The following RORA variants were observed in gnomAD, a reference collection of about 807,000 sequenced individuals.
RORA encodes nuclear receptor ROR-alpha.
RORA carries 7 observed loss-of-function variants against 69.5 expected under a neutral mutation model. That is an observed-to-expected ratio of 0.10 (90% confidence interval 0.06 to 0.19). RORA has a LOEUF of 0.19. RORA is among the 10% of genes least tolerant of loss of function. The probability of loss-of-function intolerance (pLI) is 1.00; values close to 1 mark genes in which losing one functional copy is unlikely to be tolerated. For synonymous variants in RORA, 261 were observed against 240.8 expected (o/e 1.08, Z -0.78); for missense variants, 457 against 663.0 (o/e 0.69, Z 3.41).
intron 1 of RORA, among the ~76,000 whole-genome samples, chr15:60,680,910 A>C (rs2140752724): frequency 6.6e-6 from 1 of 152,334 alleles, no homozygotes; most frequent in South Asian, 2.1e-4. Flanking sequence ...CAAGAGCAAT[A>C]TTTGTTAAAA....
intron 1 of RORA, among the ~76,000 whole-genome samples, chr15:61,116,605 G>A (rs1319650173): frequency 6.6e-6 from 1 of 152,182 alleles, no homozygotes; most frequent in Non-Finnish European, 1.5e-5. Context: ...AAATTGGAGA[G>A]GGCATGAAGC....
At chr15:60,883,903 A>C (rs907728277) in intron 1 of RORA, among the ~76,000 whole-genome samples, 6 of 152,208 alleles carry the variant, frequency 3.9e-5, no homozygotes, top group Non-Finnish European at 1.5e-5. Flanking sequence ...TGTGGGTGTT[A>C]TATTTAGCCA....
chr15:60,996,907 T>TAA (rs796945985), intron 1 of RORA, among the ~76,000 whole-genome samples: 18 of 142,498 alleles, frequency 1.3e-4, no homozygotes, highest in African/African-American at 4.6e-4. Flanking sequence ...GACTACGTCT[T>TAA]AAAAAAAAAA....
At chr15:60,987,556 C>G (rs1027430841) in intron 1 of RORA, among the ~76,000 whole-genome samples, 3 of 152,090 alleles carry the variant, frequency 2.0e-5, no homozygotes, top group South Asian at 4.2e-4. Context: ...TACTGATGCC[C>G]TTCTCTCATT....
Position 60,752,007 on chromosome 15 carries a change from G to C in RORA, c.167-73321C>G, listed in dbSNP as rs1211301962. ...TGTATGCATTTAACCTATCTCCAGG[G>C]TCCCCATCACTTGAGAGAAGGGCCA... On this transcript the variant is annotated intron_variant, in intron 1 of 10. Coordinates refer to ENST00000335670, the MANE Select transcript of RORA (RefSeq NM_134261.3). Among the ~76,000 whole-genome samples the C allele has an allele frequency of 2.6e-5, 4 of 152,100 alleles. No individual in the cohort carries two copies. The East Asian group carries it at 7.7e-4, about 29-fold the overall frequency.
At chr15:61,059,191 A>G (rs1030941424) in intron 1 of RORA, among the ~76,000 whole-genome samples, 1 of 151,628 alleles carries the variant, frequency 6.6e-6, no homozygotes, top group African/African-American at 2.4e-5. Context: ...AGAGAAGATA[A>G]GAAAGCCAGT....
Position 60,490,710 on chromosome 15 carries a change from A to T in RORA, c.*6745T>A, listed in dbSNP as rs2065027822. 1 of 152,134 alleles carries T rather than the reference A, an allele frequency of 6.6e-6. No individual in the cohort carries two copies. Among genetic ancestry groups the T allele is most frequent in the African/African-American group, 2.4e-5 (1 of 41,446 alleles). 9.4% of individuals were successfully genotyped at this position (152,134 alleles called of 1,614,324 possible). ...TCTATGCACAAAAGTCATTTGTTTTATTGCTTGACATTCAGTTATGGCTAG... is the reference window on the plus strand; with the variant it reads ...TCTATGCACAAAAGTCATTTGTTTTTTTGCTTGACATTCAGTTATGGCTAG... On this transcript the variant is annotated 3_prime_UTR_variant, in exon 11 of 11. Transcript: ENST00000335670. The surrounding 1 kb of genome is among the most constrained non-coding windows in gnomAD (Gnocchi z 4.1).
intron 1 of RORA, among the ~76,000 whole-genome samples, chr15:60,781,549 C>A (rs1225594564): frequency 6.6e-6 from 1 of 152,098 alleles, no homozygotes; most frequent in Non-Finnish European, 1.5e-5. Context: ...ATCCCCTAAC[C>A]GTGCTGCTCC....
intron 1 of RORA, among the ~76,000 whole-genome samples, chr15:61,163,406 C>G (rs2079513589): frequency 6.6e-6 from 1 of 152,132 alleles, no homozygotes; most frequent in Non-Finnish European, 1.5e-5. Flanking sequence ...TTCCAGAAGA[C>G]ATAAATTCTG....
At chr15:60,525,083 A>G (rs2066304983) in intron 3 of RORA, among the ~76,000 whole-genome samples, 1 of 151,942 alleles carries the variant, frequency 6.6e-6, no homozygotes, top group Admixed American at 6.5e-5. Context: ...AAGATGAACA[A>G]ACAACAAAAC....
intron 1 of RORA, among the ~76,000 whole-genome samples, chr15:60,679,219 T>C (rs1164899611): frequency 2.6e-5 from 4 of 152,180 alleles, no homozygotes; most frequent in Non-Finnish European, 5.9e-5. Context: ...CTGTACTCAT[T>C]AAGGTCAGAA....
At chr15:60,724,574 A>G (rs2071333974) in intron 1 of RORA, among the ~76,000 whole-genome samples, 1 of 152,118 alleles carries the variant, frequency 6.6e-6, no homozygotes, top group South Asian at 2.1e-4. Context: ...GTTTGACTTT[A>G]GGACTCCGAT....
chr15:60,898,710 G>A (rs962803872), intron 1 of RORA, among the ~76,000 whole-genome samples: 1 of 151,864 alleles, frequency 6.6e-6, no homozygotes, highest in African/African-American at 2.4e-5. Context: ...AAAAAAAAGA[G>A]AGAAATGGAG....
chr15:61,077,833 G>A (rs746561354), intron 1 of RORA, among the ~76,000 whole-genome samples: 1 of 152,052 alleles, frequency 6.6e-6, no homozygotes, highest in Non-Finnish European at 1.5e-5. Flanking sequence ...CAAAGGTAGC[G>A]CTTCCATTTC....
At chr15:60,524,069 C>G (rs1595909545) in intron 3 of RORA, among the ~76,000 whole-genome samples, 2 of 152,294 alleles carry the variant, frequency 1.3e-5, no homozygotes, top group East Asian at 3.9e-4. Context: ...TTACTCAAGG[C>G]AGAAAGATGG....
chr15:61,163,750 C>G (rs916050840), intron 1 of RORA, among the ~76,000 whole-genome samples: 1 of 152,140 alleles, frequency 6.6e-6, no homozygotes, highest in Non-Finnish European at 1.5e-5. Flanking sequence ...CTTCTCATCT[C>G]AAAACCATCA....
chr15:60,802,383 G>C (rs191215638), intron 1 of RORA, among the ~76,000 whole-genome samples: 1 of 152,258 alleles, frequency 6.6e-6, no homozygotes, highest in East Asian at 1.9e-4. Context: ...CTTTACAGAG[G>C]GCTATTGGTC....
intron 1 of RORA, among the ~76,000 whole-genome samples, chr15:60,941,660 T>C (rs1595832508): frequency 6.6e-6 from 1 of 152,256 alleles, no homozygotes; most frequent in African/African-American, 2.4e-5. Context: ...GTGCTCACTT[T>C]GTATTCTAAG....
intron 1 of RORA, among the ~76,000 whole-genome samples, chr15:60,814,301 T>C (rs1457141328): frequency 6.6e-6 from 1 of 152,148 alleles, no homozygotes; most frequent in East Asian, 1.9e-4. Context: ...TGCATGTGAC[T>C]CTCCTGTACT....
Sources: gnomAD v4.1 joint callset for allele counts (sites outside exome capture counted in the v4.1 genomes callset) on GRCh38, gnomAD v4.1.1 for gene constraint, Gnocchi (gnomAD v3.1) non-coding constraint, MANE v1.5 for transcripts, NCBI Gene and HGNC (gene_info 2026-07-23, HGNC 2026-07-21) for gene names.